The following AGL variants were observed in gnomAD, a reference collection of about 807,000 sequenced individuals.
AGL encodes glycogen debranching enzyme.
A neutral mutation model predicts 199.3 loss-of-function variants in AGL; 128 were observed. The ratio of observed to expected loss-of-function variants is 0.64; its 90% CI spans 0.56 to 0.74. The LOEUF is 0.74. Ranked by LOEUF, AGL falls within the 30% of genes least tolerant of loss-of-function variation. AGL has a pLI of 0.00. For synonymous variants in AGL, 584 were observed against 594.7 expected, an observed-to-expected ratio of 0.98 and a Z score of 0.26; for missense variants, 1,809 against 1,820.8, an observed-to-expected ratio of 0.99 and a Z score of 0.12.
chr1:99,867,853 A>G (rs1240914706), intron 5 of AGL, among the ~76,000 whole-genome samples: 2 of 152,180 alleles, frequency 1.3e-5, no homozygotes, highest in African/African-American at 4.8e-5. Flanking sequence ...CCAAGCAGGC[A>G]GGTGGAGAAA....
intron 27 of AGL, among the ~76,000 whole-genome samples, chr1:99,904,532 T>C (rs778167622): frequency 1.8e-4 from 28 of 151,780 alleles, no homozygotes; most frequent in Non-Finnish European, 3.7e-4. Context: ...TATAGCTTCA[T>C]GTAGCCACTG....
Position 99,912,405 on chromosome 1 carries a change from A to G in AGL, c.3837A>G (p.Arg1279=). Residue 1279 remains arginine, a splice_region_variant and synonymous_variant, in exon 29 of 34, where the codon AGA becomes AGG. Coordinates refer to ENST00000361915, the MANE Select transcript of AGL (RefSeq NM_000642.3). The stretch of plus-strand genomic sequence containing the variant: ...ATAAAAATACGTTTTTTAATTTTAG[A>G]GATGGGTCTGCTGTGGAAATTGTGG... The part of the protein sequence containing the change: ...ARNRGIPATP[R]DGSAVEIVGL... The G allele has an allele frequency of 6.2e-7, 1 of 1,613,196 alleles. No individual in the cohort carries two copies. Among genetic ancestry groups the G allele is most frequent in the African/African-American group, 1.3e-5 (1 of 75,044 alleles).
In AGL at chr1:99,861,615, G is replaced by A; in HGVS notation, c.195G>A (p.Leu65=). The A allele has an allele frequency of 3.1e-6, 5 of 1,613,816 alleles. No individual in the cohort carries two copies. The highest frequency in any genetic ancestry group is 4.2e-6 in the Non-Finnish European group (5 of 1,179,876). ...ETFNREKFRS[L]DWENPTERED... ...TTAATAGAGAAAAATTCCGTTCTCT[G>A]GATTGGGAAAATCCAACAGAAAGAG... is the stretch of plus-strand genomic sequence containing the variant. Residue 65 remains leucine, a synonymous_variant, in exon 3 of 34, where the codon CTG becomes CTA. Transcript: ENST00000361915.
At chr1:99,889,407 A>G (rs542409820) in intron 21 of AGL, among the ~76,000 whole-genome samples, 1 of 151,984 alleles carries the variant, frequency 6.6e-6, no homozygotes, top group Non-Finnish European at 1.5e-5. Flanking sequence ...GTTTTGTGCT[A>G]TGAGTAAGAA....
chr1:99,858,210 T>G (rs1201922435), intron 2 of AGL, among the ~76,000 whole-genome samples: 1 of 152,224 alleles, frequency 6.6e-6, no homozygotes, highest in Non-Finnish European at 1.5e-5. Context: ...TGATCGAACT[T>G]AAAAGATGAG....
At position 99,916,576 on chromosome 1, in the gene AGL, T is replaced by C. The variant is rs905868598; in HGVS notation, c.4348-22T>C. ...TTTTAGGTATTTATGGTTTTTTTTGTCTTTTAAATAATCTTTTTTAGGAGT... is the reference window on the plus strand; with the variant it reads ...TTTTAGGTATTTATGGTTTTTTTTGCCTTTTAAATAATCTTTTTTAGGAGT... On this transcript the variant is annotated intron_variant, in intron 32 of 33. Coordinates refer to ENST00000361915, the MANE Select transcript of AGL (RefSeq NM_000642.3). 8.1e-6 allele frequency: 13 copies of C among 1,611,002 alleles called. No individual in the cohort carries two copies. In the African/African-American group the frequency reaches 1.6e-4, roughly 20 times the overall value.
rs775358277 is a variant in AGL, at chr1:99,876,562, T to A, written c.1388T>A (p.Met463Lys). 4.3e-6 allele frequency: 7 copies of A among 1,613,920 alleles called. No individual in the cohort carries two copies. The highest frequency in any genetic ancestry group is 5.9e-6 in the Non-Finnish European group (7 of 1,179,986). The change falls in exon 11 of 34, where the codon ATG (methionine) becomes AAG (lysine). Residue 463 changes from methionine to lysine, a missense_variant. Physicochemically the swap from Met to Lys is moderately conservative, Grantham distance 95 (BLOSUM62 -1). Transcript: ENST00000361915. ...CTGATGGCACACAATGGATGGGTAATGGGAGATGATCCTCTTCGAAACTTT... is the reference window on the plus strand; with the variant it reads ...CTGATGGCACACAATGGATGGGTAAAGGGAGATGATCCTCTTCGAAACTTT... ...CFLMAHNGWV[M>K]GDDPLRNFAE...
At chr1:99,887,319 A>G (rs374825805) in intron 20 of AGL, among the ~76,000 whole-genome samples, 9 of 152,174 alleles carry the variant, frequency 5.9e-5, no homozygotes, top group Non-Finnish European at 1.0e-4. Context: ...ACAAAGGGAA[A>G]TCAAGGCCAT....
intron 2 of AGL, chr1:99,861,153 G>A (rs1461644425): frequency 8.6e-7 from 1 of 1,157,058 alleles, no homozygotes; most frequent in Non-Finnish European, 1.1e-6. Context: ...CTCCTCAGAT[G>A]CCTGCCATTG....
At chr1:99,869,481 G>C (rs1650806702) in intron 5 of AGL, among the ~76,000 whole-genome samples, 1 of 152,216 alleles carries the variant, frequency 6.6e-6, no homozygotes, top group African/African-American at 2.4e-5. Flanking sequence ...ATGTGGTTAA[G>C]ATTGCATATT....
chr1:99,876,638 G>A (rs1334312825), intron 11 of AGL, 41 bp downstream of exon 11: 3 of 1,609,262 alleles, frequency 1.9e-6, no homozygotes, highest in East Asian at 2.2e-5. Flanking sequence ...GGAAAGAATA[G>A]TTCATGGCAA....
intron 21 of AGL, among the ~76,000 whole-genome samples, chr1:99,890,566 T>C (rs1346269056): frequency 6.6e-6 from 1 of 152,056 alleles, no homozygotes; most frequent in African/African-American, 2.4e-5. Context: ...GCCAATATAA[T>C]TTTTAAGGTA....
At chr1:99,859,761 C>T (rs973744654) in intron 2 of AGL, among the ~76,000 whole-genome samples, 4 of 152,108 alleles carry the variant, frequency 2.6e-5, no homozygotes, top group African/African-American at 9.7e-5. Context: ...AGGCTGGTCT[C>T]AAACTTCTGA....
intron 6 of AGL, 39 bp from the exon 7 acceptor site, chr1:99,870,719 T>C: frequency 7.1e-7 from 1 of 1,407,678 alleles, no homozygotes; most frequent in Non-Finnish European, 1.0e-6. Context: ...TAAATAAGTA[T>C]ATGTATATAT....
chr1:99,907,856 T>C (rs1654437376), intron 27 of AGL, among the ~76,000 whole-genome samples: 1 of 152,044 alleles, frequency 6.6e-6, no homozygotes, highest in African/African-American at 2.4e-5. Context: ...CCTTTGAATT[T>C]AGGGAATGAA....
chr1:99,861,137 A>G (rs979184274), intron 2 of AGL: 7 of 1,079,808 alleles, frequency 6.5e-6, no homozygotes, highest in African/African-American at 1.7e-5. Context: ...ATACTAGAGA[A>G]GGTCTCTCCT....
intron 2 of AGL, among the ~76,000 whole-genome samples, chr1:99,860,029 CA>C (rs1413694474): frequency 6.6e-6 from 1 of 151,946 alleles, no homozygotes; most frequent in East Asian, 1.9e-4. Context: ...ATACTTTTCT[CA>C]AAAAATCTAT....
chr1:99,869,940 C>G (rs369226443), intron 5 of AGL, among the ~76,000 whole-genome samples: 2 of 152,196 alleles, frequency 1.3e-5, no homozygotes, highest in South Asian at 2.1e-4. Context: ...GCTACCGTGC[C>G]TGGCCAAAAC....
rs114363986 is a variant in AGL at position 99,865,317 on chromosome 1, T to C, written c.664+728T>C. ...TATATTAGCAGGAGCTCTGGTACTA[T>C]AGTACTATAGCATATATGAAAAAAC... On this transcript the variant is annotated intron_variant, in intron 5 of 33. Coordinates refer to ENST00000361915, the MANE Select transcript of AGL (RefSeq NM_000642.3). 3.0e-3 allele frequency among the ~76,000 whole-genome samples: 456 copies of C among 152,326 alleles called. 2 individuals carry two copies. Among genetic ancestry groups the C allele is most frequent in the African/African-American group, 0.011 (442 of 41,576 alleles).
Sources: gnomAD v4.1 joint callset for allele counts (sites outside exome capture counted in the v4.1 genomes callset) on GRCh38, gnomAD v4.1.1 for gene constraint, MANE v1.5 for transcripts, NCBI Gene and HGNC (gene_info 2026-07-23, HGNC 2026-07-21) for gene names.